Variants in ATP9B observed in about 807,000 individuals in gnomAD.
ATP9B encodes probable phospholipid-transporting ATPase IIB.
Under a neutral mutation model 146.1 loss-of-function variants are expected in ATP9B, and 110 were observed. The observed-to-expected ratio is 0.75, with a 90% CI of 0.65 to 0.88. The LOEUF (loss-of-function observed/expected upper bound fraction) is 0.88. Ranked by LOEUF, ATP9B falls within the 40% of genes least tolerant of loss-of-function variation. The probability of loss-of-function intolerance (pLI) is 0.00; values close to 1 mark genes in which losing one functional copy is unlikely to be tolerated. For synonymous variants in ATP9B, 604 were observed against 569.7 expected, an observed-to-expected ratio of 1.06 and a Z score of -0.86; for missense variants, 1,499 against 1,496.4, an observed-to-expected ratio of 1.00 and a Z score of -0.03.
chr18:79,290,783 G>T (rs569051891), intron 13 of ATP9B, among the ~76,000 whole-genome samples: 9 of 152,308 alleles, frequency 5.9e-5, no homozygotes, highest in African/African-American at 2.2e-4. Flanking sequence ...TTCTTGTAAG[G>T]TCTAAGTAAG....
At chr18:79,237,692 G>A (rs117605991) in intron 11 of ATP9B, among the ~76,000 whole-genome samples, 1 of 128,934 alleles carries the variant, frequency 7.8e-6, no homozygotes, top group Non-Finnish European at 1.6e-5. Flanking sequence ...TTTTTTTTGG[G>A]GGGGGGTGGG....
At chr18:79,362,304 C>G (rs2096994550) in intron 26 of ATP9B, 1 of 151,978 alleles carries the variant, frequency 6.6e-6, no homozygotes, top group Non-Finnish European at 1.5e-5. Context: ...ACATTTGTCC[C>G]CTGCTGTGTC....
intron 6 of ATP9B, among the ~76,000 whole-genome samples, chr18:79,153,445 T>G (rs2094722098): frequency 6.6e-6 from 1 of 152,204 alleles, no homozygotes; most frequent in Non-Finnish European, 1.5e-5. Flanking sequence ...CAGTCATAGA[T>G]TTATTCTTTC....
chr18:79,240,905 G>C (rs1290076892), intron 11 of ATP9B, among the ~76,000 whole-genome samples: 1 of 152,174 alleles, frequency 6.6e-6, no homozygotes, highest in East Asian at 1.9e-4. Flanking sequence ...GAGCTGCTCG[G>C]TCTCCAAGCT....
intron 20 of ATP9B, chr18:79,343,950 A>G (rs2096872340): frequency 2.4e-6 from 1 of 421,894 alleles, no homozygotes; most frequent in Non-Finnish European, 4.3e-6. Flanking sequence ...TCCAGAAGGT[A>G]ATTATTAACT....
chr18:79,313,882 C>T (rs890728004), intron 15 of ATP9B, among the ~76,000 whole-genome samples: 4 of 152,110 alleles, frequency 2.6e-5, no homozygotes, highest in African/African-American at 9.7e-5. Flanking sequence ...AAAATGAAAA[C>T]AATAGACTTC....
chr18:79,316,365 C>T (rs546480738), intron 15 of ATP9B, among the ~76,000 whole-genome samples: 2 of 152,304 alleles, frequency 1.3e-5, no homozygotes, highest in East Asian at 1.9e-4. Flanking sequence ...GCTGCAGCCA[C>T]GTGTCACCTG....
At position 79,180,449 on chromosome 18, in the gene ATP9B, G is replaced by A. The variant is rs548775353; in HGVS notation, c.873+3542G>A. Among the ~76,000 whole-genome samples, 6 of 152,314 alleles carry A rather than the reference G, an allele frequency of 3.9e-5. No homozygotes were observed. The South Asian group carries it at 1.2e-3, about 32-fold the overall frequency. Reference sequence around the variant, plus strand: ...TCTCCATGTCACTTACAGTGTAAGAGTTGTGCACAGTAGATGCCCATGGCT... The same window carrying A: ...TCTCCATGTCACTTACAGTGTAAGAATTGTGCACAGTAGATGCCCATGGCT... On this transcript the variant is annotated intron_variant, in intron 8 of 29. Coordinates refer to ENST00000426216, the MANE Select transcript of ATP9B (RefSeq NM_198531.5).
intron 12 of ATP9B, among the ~76,000 whole-genome samples, chr18:79,255,999 G>A (rs193047284): frequency 6.6e-5 from 10 of 151,994 alleles, no homozygotes; most frequent in African/African-American, 1.4e-4. Flanking sequence ...TGTTGTTTTC[G>A]TTACCACTTG....
chr18:79,162,389 T>G (rs2094896377), intron 7 of ATP9B, among the ~76,000 whole-genome samples: 1 of 152,242 alleles, frequency 6.6e-6, no homozygotes, highest in South Asian at 2.1e-4. Flanking sequence ...CTTCATCACT[T>G]TCTTAATTCA....
chr18:79,248,620 C>G (rs1340356516), intron 11 of ATP9B, among the ~76,000 whole-genome samples: 1 of 152,204 alleles, frequency 6.6e-6, no homozygotes, highest in Non-Finnish European at 1.5e-5. Context: ...CAAAGCTGTT[C>G]TTCTCTGCTA....
chr18:79,161,075 T>C (rs759989780), intron 7 of ATP9B, among the ~76,000 whole-genome samples: 1 of 152,190 alleles, frequency 6.6e-6, no homozygotes, highest in Non-Finnish European at 1.5e-5. Context: ...CGGCCACTAA[T>C]AGCAATTTTG....
intron 11 of ATP9B, among the ~76,000 whole-genome samples, chr18:79,252,156 A>G (rs1303543021): frequency 1.3e-5 from 2 of 152,248 alleles, no homozygotes; most frequent in African/African-American, 4.8e-5. Context: ...AGTGTGTAGT[A>G]AGAGCAGTAG....
At chr18:79,130,622 G>T (rs1442249904) in intron 5 of ATP9B, among the ~76,000 whole-genome samples, 1 of 151,920 alleles carries the variant, frequency 6.6e-6, no homozygotes, top group African/African-American at 2.4e-5. Flanking sequence ...GCACATGAAG[G>T]ATAATACGAG....
chr18:79,277,586 CAGATA>C (rs1161742318), intron 13 of ATP9B, among the ~76,000 whole-genome samples: 1 of 151,980 alleles, frequency 6.6e-6, no homozygotes, highest in Non-Finnish European at 1.5e-5. Context: ...AAGAAAATAA[CAGATA>C]TGTTAATTTG....
rs760148619 is a variant in ATP9B, at chr18:79,377,324, GTCC to G, written c.3388_3390del (p.Leu1130del). ...CGTGGTCAGCTGCCTCCCGCTGTAT[GTCC>G]TCAAGTACCTGAGGCGCAAGCTCTC... On this transcript the variant is annotated inframe_deletion, in exon 30 of 30. Coordinates refer to ENST00000426216, the MANE Select transcript of ATP9B (RefSeq NM_198531.5). 1.2e-6 allele frequency: 2 copies of G among 1,612,188 alleles called. No homozygotes were observed. The highest frequency in any genetic ancestry group is 1.3e-5 in the African/African-American group (1 of 75,046).
At chr18:79,171,987 C>T (rs558687164) in intron 7 of ATP9B, among the ~76,000 whole-genome samples, 84 of 152,090 alleles carry the variant, frequency 5.5e-4, no homozygotes, top group African/African-American at 1.8e-3. Flanking sequence ...CTCCTGGGTT[C>T]AAGCAATTCT....
rs117674925 is a variant in ATP9B at position 79,223,025 on chromosome 18, C to T, written c.1107+8987C>T. ...AAGGATGAAATGATAATACAAATTG[C>T]TTCAAGCAGTTATTGTAATCCCTTG... On this transcript the variant is annotated intron_variant, in intron 11 of 29. Transcript: ENST00000426216. 9.2e-5 allele frequency among the ~76,000 whole-genome samples: 14 copies of T among 152,288 alleles called. No individual in the cohort carries two copies. In the East Asian group the frequency reaches 2.5e-3, roughly 27 times the overall value.
At chr18:79,212,670 C>T (rs1196960015) in intron 10 of ATP9B, among the ~76,000 whole-genome samples, 1 of 152,048 alleles carries the variant, frequency 6.6e-6, no homozygotes. Context: ...ATTCTATGAT[C>T]TCCTTTTGAA....
Sources: allele counts gnomAD v4.1 joint callset (sites outside exome capture counted in the v4.1 genomes callset), GRCh38; gene constraint gnomAD v4.1.1; transcripts MANE v1.5; gene names NCBI Gene and HGNC (gene_info 2026-07-23, HGNC 2026-07-21).